Variants in C11orf98 observed in about 807,000 individuals in gnomAD.
C11orf98 encodes chromosome 11 open reading frame 98.
A neutral mutation model predicts 10.9 loss-of-function variants in C11orf98; 7 were observed. The ratio of observed to expected loss-of-function variants is 0.64; its 90% confidence interval spans 0.37 to 1.21. The LOEUF is 1.21. C11orf98 is among the 50% of genes most tolerant of loss of function. The pLI is 0.02. For synonymous variants in C11orf98, 70 were observed against 57.2 expected, an observed-to-expected ratio of 1.22 and a Z score of -1.01; for missense variants, 181 against 153.7, an observed-to-expected ratio of 1.18 and a Z score of -0.94.
intron 2 of C11orf98, among the ~76,000 whole-genome samples, chr11:62,663,965 C>T (rs527236692): frequency 6.7e-6 from 1 of 149,520 alleles, no homozygotes; most frequent in Non-Finnish European, 1.5e-5. Flanking sequence ...CCCAGCTACT[C>T]GGGAGGCTGA....
Position 62,662,992 on chromosome 11 carries a change from G to T in C11orf98, c.*58C>A. The T allele has an allele frequency of 7.3e-7, 1 of 1,372,616 alleles. No individual in the cohort carries two copies. Among genetic ancestry groups the T allele is most frequent in the Non-Finnish European group, 1.0e-6 (1 of 988,228 alleles). The allele number at this position is 1,372,616 out of a possible 1,614,324, so 85.0% of individuals were successfully genotyped here. ...GGCCTTGCTTTTGTCAAAGTCCTCT[G>T]AAACAACCACTGAGTCTGAAGGCTG... On this transcript the variant is annotated 3_prime_UTR_variant, in exon 4 of 4. Transcript: ENST00000524958.
chr11:62,664,273 G>A (rs1380443346), intron 2 of C11orf98, among the ~76,000 whole-genome samples: 1 of 149,656 alleles, frequency 6.7e-6, no homozygotes, highest in African/African-American at 2.5e-5. Context: ...AAAAATCTGT[G>A]TGAATGTATA....
chr11:62,663,898 C>G (rs1353854215), intron 2 of C11orf98, among the ~76,000 whole-genome samples: 1 of 150,566 alleles, frequency 6.6e-6, no homozygotes, highest in Non-Finnish European at 1.5e-5. Flanking sequence ...CATGGTGAAA[C>G]CCCGTCTCTA....
intron 2 of C11orf98, among the ~76,000 whole-genome samples, chr11:62,664,541 G>A (rs1056555827): frequency 2.0e-5 from 3 of 152,028 alleles, no homozygotes; most frequent in Admixed American, 6.6e-5. Context: ...ATGTTGGTCA[G>A]GCTGGTCTCG....
chr11:62,663,336 G>C lies in C11orf98; in HGVS notation c.165-3C>G. ...TAATGTTGGCACGTGCACTGGACCT[G>C]ATGGGTAAGTGGAAATAAAGAGAGC... On this transcript the variant is annotated splice_polypyrimidine_tract_variant and splice_region_variant and intron_variant, in intron 2 of 3. Transcript: ENST00000524958. The C allele has an allele frequency of 1.2e-6, 2 of 1,613,164 alleles. No homozygotes were observed. Among genetic ancestry groups the C allele is most frequent in the Non-Finnish European group, 1.7e-6 (2 of 1,179,560 alleles).
At chr11:62,664,099 AAAAAAAG>A (rs1944726904) in intron 2 of C11orf98, among the ~76,000 whole-genome samples, 3 of 150,824 alleles carry the variant, frequency 2.0e-5, no homozygotes, top group Admixed American at 2.0e-4. Flanking sequence ...AAAAAAAAAA[AAAAAAAG>A]GACACAGAAA....
Position 62,662,830 on chromosome 11 carries a change from G to A in C11orf98, c.*220C>T. 3.6e-6 allele frequency: 2 copies of A among 557,538 alleles called. No individual in the cohort carries two copies. The highest frequency in any genetic ancestry group is 6.3e-6 in the Non-Finnish European group (2 of 316,956). The allele number at this position is 557,538 out of a possible 1,614,324, so 34.5% of individuals were successfully genotyped here. ...ATCACACACATCTCAGAGTGCTAGG[G>A]CTTTATTACAAATGGAGTTGACTGC... On this transcript the variant is annotated 3_prime_UTR_variant, in exon 4 of 4. Coordinates refer to ENST00000524958, the MANE Select transcript of C11orf98 (RefSeq NM_001286086.2).
At position 62,665,044 on chromosome 11, in the gene C11orf98, C is replaced by T. The variant is rs907032848; in HGVS notation, c.40-71G>A. On this transcript the variant is annotated intron_variant, in intron 1 of 3. Transcript: ENST00000524958. ...ACCCGGGGCCCCTCCACCAGGCAGCCCCGGCCCCTCACTGATCCCATCTCG... is the reference window on the plus strand; with the variant it reads ...ACCCGGGGCCCCTCCACCAGGCAGCTCCGGCCCCTCACTGATCCCATCTCG... 2.5e-6 allele frequency: 4 copies of T among 1,592,462 alleles called. No individual in the cohort carries two copies. In the Admixed American group the frequency reaches 6.8e-5, roughly 27 times the overall value.
In C11orf98 at chr11:62,663,381, T is replaced by A. The variant is rs184005430; in HGVS notation, c.165-48A>T. On this transcript the variant is annotated intron_variant, in intron 2 of 3. Coordinates refer to ENST00000524958, the MANE Select transcript of C11orf98 (RefSeq NM_001286086.2). The stretch of plus-strand genomic sequence containing the variant: ...GAGAGCTAGGTTAACCTGAACCAAC[T>A]GAGGTCACACAAATAGTTCTGGCTA... 9.9e-5 allele frequency: 155 copies of A among 1,569,316 alleles called. No individual in the cohort carries two copies. The African/African-American group carries it at 2.0e-3, about 20-fold the overall frequency.
intron 2 of C11orf98, among the ~76,000 whole-genome samples, chr11:62,664,475 T>G (rs1423422827): frequency 1.3e-5 from 2 of 151,678 alleles, no homozygotes; most frequent in African/African-American, 4.8e-5. Flanking sequence ...GGACTACAGG[T>G]GCCGGCCACA....
In C11orf98 at chr11:62,663,115, T is replaced by C; in HGVS notation, c.307A>G (p.Lys103Glu). The C allele has an allele frequency of 6.2e-7, 1 of 1,614,046 alleles. No homozygotes were observed. Among genetic ancestry groups the C allele is most frequent in the Non-Finnish European group, 8.5e-7 (1 of 1,179,934 alleles). Residue 103 changes from lysine to glutamate, a missense_variant, in exon 4 of 4, where the codon AAA becomes GAA. By Grantham distance (56) the Lys-to-Glu change is moderately conservative. Transcript: ENST00000524958. ...KPARTSEPQL[K>E]RQKKTKAPQD... ...GGGGCTTTTGTCTTCTTTTGCCTTT[T>C]GAGCTGTGGTTCACTAGTCCTGGCT...
At chr11:62,665,018 G>C (rs369581685) in intron 1 of C11orf98, 45 bp from the exon 2 acceptor site, 2 of 1,601,396 alleles carry the variant, frequency 1.2e-6, no homozygotes, top group Non-Finnish European at 1.7e-6. Flanking sequence ...GGCTCGCCGC[G>C]ACCCGGGGCC....
chr11:62,664,105 A>AC (rs1316490570), intron 2 of C11orf98, among the ~76,000 whole-genome samples: 4 of 143,702 alleles, frequency 2.8e-5, no homozygotes, highest in Non-Finnish European at 6.2e-5. Context: ...AAAAAAAAAA[A>AC]GGACACAGAA....
chr11:62,664,858 T>C lies in C11orf98; in HGVS notation c.155A>G (p.Lys52Arg). The change falls in exon 2 of 4, where the codon AAG (lysine) becomes AGG (arginine). Residue 52 changes from lysine to arginine, a missense_variant. Transcript: ENST00000524958. ...AGGGTCTAGTACTTACGCCCGCTTC[T>C]TGAGGTGGTGCCGCGTGATCAGCCC... is the stretch of plus-strand genomic sequence containing the variant. ...DQGLITRHHL[K>R]KRASSARANI... 6.4e-7 allele frequency: 1 copy of C among 1,570,806 alleles called. No homozygotes were observed. The highest frequency in any genetic ancestry group is 8.6e-7 in the Non-Finnish European group (1 of 1,157,522).
At chr11:62,664,326 C>CTTTTTTTTTTTTTTTTTTTTTTTTT (rs35917869) in intron 2 of C11orf98, among the ~76,000 whole-genome samples, 1 of 77,438 alleles carries the variant, frequency 1.3e-5, no homozygotes, top group African/African-American at 5.7e-5. Context: ...TCCTGATATT[C>CTTTTTTTTTTTTTTTTTTTTTTTTT]TTTTTTTTTT....
rs376468053 is a variant in C11orf98, at chr11:62,664,932, A to G, written c.81T>C (p.Asn27=). ...KKLFKRRRVL[N]RERRLRHRVV... is the part of the protein sequence containing the mutation. The stretch of plus-strand genomic sequence containing the variant: ...CCCGGTGCCTCAGACGCCGCTCCCG[A>G]TTCAACACCCGCCGGCGTTTGAACA... Residue 27 remains asparagine, a synonymous_variant, in exon 2 of 4, where the codon AAT becomes AAC. Coordinates refer to ENST00000524958, the MANE Select transcript of C11orf98 (RefSeq NM_001286086.2). 7 of 1,607,946 alleles carry G rather than the reference A, an allele frequency of 4.4e-6. No individual in the cohort carries two copies. The highest frequency in any genetic ancestry group is 1.1e-5 in the South Asian group (1 of 90,176).
At chr11:62,664,745 G>A in intron 2 of C11orf98, 104 bp downstream of exon 2, 1 of 1,388,116 alleles carries the variant, frequency 7.2e-7, no homozygotes, top group Non-Finnish European at 9.8e-7. Context: ...CCGCATAAGC[G>A]TCAGTGCACA....
chr11:62,664,551 G>A (rs1944742075), intron 2 of C11orf98, among the ~76,000 whole-genome samples: 1 of 151,940 alleles, frequency 6.6e-6, no homozygotes, highest in Admixed American at 6.6e-5. Flanking sequence ...GGCTGGTCTC[G>A]AACTCCCGAC....
Position 62,662,848 on chromosome 11 carries a change from T to C in C11orf98, c.*202A>G. The C allele has an allele frequency of 1.9e-6, 1 of 525,078 alleles. No individual in the cohort carries two copies. Among genetic ancestry groups the C allele is most frequent in the East Asian group, 2.9e-5 (1 of 34,822 alleles). The allele number at this position is 525,078 out of a possible 1,614,324, so 32.5% of individuals were successfully genotyped here. ...TGCTAGGGCTTTATTACAAATGGAGTTGACTGCTAGAGAGGCCCTTCTCCA... is the reference window on the plus strand; with the variant it reads ...TGCTAGGGCTTTATTACAAATGGAGCTGACTGCTAGAGAGGCCCTTCTCCA... On this transcript the variant is annotated 3_prime_UTR_variant, in exon 4 of 4. Coordinates refer to ENST00000524958, the MANE Select transcript of C11orf98 (RefSeq NM_001286086.2).
Sources: gnomAD v4.1 joint callset for allele counts (sites outside exome capture counted in the v4.1 genomes callset) on GRCh38, gnomAD v4.1.1 for gene constraint, MANE v1.5 for transcripts, NCBI Gene and HGNC (gene_info 2026-07-23, HGNC 2026-07-21) for gene names.